The following ROBO2 variants were observed in gnomAD, a reference collection of about 807,000 sequenced individuals.
ROBO2 encodes the protein roundabout guidance receptor 2, also known as roundabout homolog 2.
In ROBO2, 53 loss-of-function variants were observed where a neutral mutation model predicts 160.8. The ratio of observed to expected loss-of-function variants is 0.33; its 90% CI spans 0.26 to 0.41. The LOEUF is 0.41. Ranked by LOEUF, ROBO2 falls within the 10% of genes least tolerant of loss-of-function variation. ROBO2 has a pLI of 1.00. For synonymous variants in ROBO2, 664 were observed against 611.7 expected (o/e 1.09, Z -1.26); for missense variants, 1,577 against 1,722.4 (o/e 0.92, Z 1.49).
chr3:77,554,224 G>A (rs1038674278), intron 8 of ROBO2, among the ~76,000 whole-genome samples: 4 of 151,458 alleles, frequency 2.6e-5, no homozygotes, highest in Admixed American at 6.6e-5. Context: ...TTTACCTACC[G>A]AAATATTTTA....
intron 2 of ROBO2, among the ~76,000 whole-genome samples, chr3:76,325,287 A>G (rs2072918276): frequency 6.6e-6 from 1 of 152,224 alleles, no homozygotes; most frequent in Admixed American, 6.5e-5. Flanking sequence ...ATCAAAGCAA[A>G]AAGAGCCAGT....
At chr3:75,986,172 TAC>T (rs902712918) in intron 2 of ROBO2, among the ~76,000 whole-genome samples, 17 of 151,476 alleles carry the variant, frequency 1.1e-4, no homozygotes, top group Non-Finnish European at 3.0e-5. Flanking sequence ...GCACAAGTGT[TAC>T]AGTTTCCCAC....
intron 2 of ROBO2, among the ~76,000 whole-genome samples, chr3:76,580,914 A>T (rs2085661499): frequency 6.6e-6 from 1 of 152,212 alleles, no homozygotes; most frequent in Admixed American, 6.5e-5. Flanking sequence ...CAATAGATAA[A>T]GCATCATGAA....
chr3:76,626,754 G>A (rs941242203), intron 2 of ROBO2, among the ~76,000 whole-genome samples: 5 of 151,634 alleles, frequency 3.3e-5, no homozygotes, highest in African/African-American at 7.3e-5. Flanking sequence ...GTGCAGTGGC[G>A]TGATCTCTGC....
At chr3:76,294,710 T>C (rs910643200) in intron 2 of ROBO2, among the ~76,000 whole-genome samples, 2 of 152,216 alleles carry the variant, frequency 1.3e-5, no homozygotes, top group African/African-American at 4.8e-5. Context: ...GGAATATTTG[T>C]CTATAAAATA....
intron 2 of ROBO2, among the ~76,000 whole-genome samples, chr3:76,564,191 G>A (rs1207318082): frequency 1.3e-5 from 2 of 152,240 alleles, no homozygotes; most frequent in African/African-American, 4.8e-5. Flanking sequence ...GGGCGACACA[G>A]CAAGACTCCG....
At chr3:77,524,877 A>G (rs1231179930) in intron 6 of ROBO2, among the ~76,000 whole-genome samples, 7 of 151,184 alleles carry the variant, frequency 4.6e-5, no homozygotes, top group Non-Finnish European at 1.0e-4. Context: ...TCTTTGTGGT[A>G]TGAATTTATC....
intron 2 of ROBO2, among the ~76,000 whole-genome samples, chr3:76,052,935 T>G (rs2067703736): frequency 2.0e-5 from 3 of 152,160 alleles, no homozygotes; most frequent in South Asian, 4.1e-4. Context: ...AAGTCTGGAT[T>G]TTTTTCCTTA....
intron 2 of ROBO2, among the ~76,000 whole-genome samples, chr3:77,134,979 G>C (rs2076159961): frequency 6.6e-6 from 1 of 152,162 alleles, no homozygotes; most frequent in South Asian, 2.1e-4. Flanking sequence ...GTGTCCATCT[G>C]TTTGCAGGAC....
intron 2 of ROBO2, among the ~76,000 whole-genome samples, chr3:76,866,454 T>C (rs912507746): frequency 5.9e-5 from 9 of 152,246 alleles, no homozygotes; most frequent in Admixed American, 6.5e-5. Context: ...ATCATCATCA[T>C]TTATTTAAAA....
intron 2 of ROBO2, among the ~76,000 whole-genome samples, chr3:77,387,256 A>G (rs970864308): frequency 3.3e-5 from 5 of 150,820 alleles, no homozygotes; most frequent in African/African-American, 4.9e-5. Context: ...TAATCCTCAC[A>G]CTTTGGGAAG....
intron 2 of ROBO2, among the ~76,000 whole-genome samples, chr3:76,446,660 C>A (rs1205504150): frequency 6.6e-6 from 1 of 152,160 alleles, no homozygotes; most frequent in East Asian, 1.9e-4. Flanking sequence ...GCTGCAGTAA[C>A]CAAAGCAGCA....
At chr3:76,306,542 G>T (rs985456654) in intron 2 of ROBO2, among the ~76,000 whole-genome samples, 13 of 152,108 alleles carry the variant, frequency 8.5e-5, no homozygotes, top group African/African-American at 3.1e-4. Flanking sequence ...CCTAAATCTT[G>T]CTTAATGGTG....
intron 2 of ROBO2, among the ~76,000 whole-genome samples, chr3:77,013,861 C>T (rs1356917210): frequency 1.3e-5 from 2 of 152,204 alleles, no homozygotes; most frequent in East Asian, 1.9e-4. Flanking sequence ...GATACACTTT[C>T]GTTTCTCCAT....
intron 2 of ROBO2, among the ~76,000 whole-genome samples, chr3:77,126,870 C>G (rs2075376544): frequency 1.4e-5 from 2 of 146,758 alleles, no homozygotes; most frequent in African/African-American, 5.0e-5. Flanking sequence ...CTCACTGCAA[C>G]CTCCGCCTCC....
intron 2 of ROBO2, among the ~76,000 whole-genome samples, chr3:76,074,980 T>C (rs942114943): frequency 6.6e-6 from 1 of 152,118 alleles, no homozygotes; most frequent in African/African-American, 2.4e-5. Context: ...AGAAACATAC[T>C]TGGGGGATGA....
intron 2 of ROBO2, among the ~76,000 whole-genome samples, chr3:76,714,747 T>C (rs745783096): frequency 2.6e-5 from 4 of 152,172 alleles, no homozygotes; most frequent in Non-Finnish European, 4.4e-5. Context: ...CACAAATCTA[T>C]TGCCAATAGC....
intron 2 of ROBO2, among the ~76,000 whole-genome samples, chr3:76,842,467 C>G (rs2068377305): frequency 6.6e-6 from 1 of 152,172 alleles, no homozygotes. Flanking sequence ...TGAGTGTAGA[C>G]AAATCTAAAC....
At chr3:76,928,538 A>G (rs2077130458) in intron 2 of ROBO2, among the ~76,000 whole-genome samples, 1 of 151,144 alleles carries the variant, frequency 6.6e-6, no homozygotes. Context: ...TAATATTATT[A>G]GATGTTCTCA....
Sources: allele counts gnomAD v4.1 joint callset (sites outside exome capture counted in the v4.1 genomes callset), GRCh38; gene constraint gnomAD v4.1.1; transcripts MANE v1.5; gene names NCBI Gene and HGNC (gene_info 2026-07-23, HGNC 2026-07-21).